The following RGS3 variants were observed in gnomAD, a reference collection of about 807,000 sequenced individuals.
The protein encoded by RGS3 is regulator of G-protein signalling 3.
In RGS3, 80 loss-of-function variants were observed where a neutral mutation model predicts 132.6. That is an observed-to-expected ratio of 0.60 (90% CI 0.50 to 0.73). The LOEUF (loss-of-function observed/expected upper bound fraction) is 0.73. Among genes scored for constraint, RGS3 ranks in the 30% least tolerant of loss-of-function variants. The pLI is 0.00. For synonymous variants in RGS3, 598 were observed against 620.6 expected, an observed-to-expected ratio of 0.96 and a Z score of 0.54; for missense variants, 1,382 against 1,530.8, an observed-to-expected ratio of 0.90 and a Z score of 1.62.
chr9:113,550,611 A>G (rs190477164), intron 19 of RGS3, among the ~76,000 whole-genome samples: 3 of 152,344 alleles, frequency 2.0e-5, no homozygotes, highest in East Asian at 1.9e-4. Flanking sequence ...GAAACTCCTC[A>G]ATCAAATCAA....
intron 19 of RGS3, among the ~76,000 whole-genome samples, chr9:113,557,235 T>G (rs1052355037): frequency 6.6e-6 from 1 of 152,240 alleles, no homozygotes; most frequent in Non-Finnish European, 1.5e-5. Flanking sequence ...TTGAGCAATG[T>G]CACTGAGAAG....
intron 18 of RGS3, among the ~76,000 whole-genome samples, chr9:113,534,714 C>G (rs1832610758): frequency 6.6e-6 from 1 of 151,074 alleles, no homozygotes. Context: ...TGGGCTTCAG[C>G]AATCCTCCCA....
At chr9:113,484,053 T>G in intron 5 of RGS3, 85 bp from the exon 4 acceptor site, 1 of 814,172 alleles carries the variant, frequency 1.2e-6, no homozygotes, top group Non-Finnish European at 2.1e-6. Flanking sequence ...TGGGAAGCCT[T>G]TAACTTGGAG....
chr9:113,526,618 T>A (rs994500820), intron 17 of RGS3, among the ~76,000 whole-genome samples: 2 of 151,602 alleles, frequency 1.3e-5, no homozygotes, highest in African/African-American at 4.9e-5. Context: ...GCGAAGGGGG[T>A]TTGCTTAATG....
chr9:113,568,362 G>A (rs566336615), intron 19 of RGS3, among the ~76,000 whole-genome samples: 15 of 152,332 alleles, frequency 9.8e-5, no homozygotes, highest in South Asian at 4.1e-4. Context: ...CCCCTTGGTC[G>A]GTGGGCTGGA....
Position 113,498,919 on chromosome 9 carries a change from T to C in RGS3, c.897+839T>C, listed in dbSNP as rs553565004. Among the ~76,000 whole-genome samples the C allele has an allele frequency of 8.1e-5, 10 of 123,798 alleles. No homozygotes were observed. The East Asian group carries it at 1.8e-3, about 23-fold the overall frequency. 81.2% of individuals were successfully genotyped at this position (123,798 alleles called of 152,430 possible). On this transcript the variant is annotated intron_variant, in intron 10 of 24. Coordinates refer to ENST00000350696, the Ensembl canonical transcript of RGS3. ...GTGACAGAGCAAGACTCTGTCTCAATTGAAAAAAAAAAAAAAAAAAAAAAG... is the reference window on the plus strand; with the variant it reads ...GTGACAGAGCAAGACTCTGTCTCAACTGAAAAAAAAAAAAAAAAAAAAAAG...
intron 17 of RGS3, among the ~76,000 whole-genome samples, chr9:113,527,818 T>C (rs1042786854): frequency 3.3e-5 from 5 of 152,212 alleles, no homozygotes; most frequent in African/African-American, 1.2e-4. Context: ...TTGCTGTCTT[T>C]GACAATTTCT....
chr9:113,504,050 G>A (rs754481187), intron 10 of RGS3, among the ~76,000 whole-genome samples: 2 of 152,092 alleles, frequency 1.3e-5, no homozygotes, highest in African/African-American at 4.8e-5. Flanking sequence ...ATCCAGGCCC[G>A]GGGCTGGTGG....
chr9:113,546,347 T>A (rs769556754), intron 19 of RGS3, among the ~76,000 whole-genome samples: 10 of 152,198 alleles, frequency 6.6e-5, no homozygotes, highest in Non-Finnish European at 1.5e-4. Context: ...CCCAGAGTAC[T>A]TTTTCCCCCT....
At chr9:113,486,306 A>G (rs1258557041) in intron 7 of RGS3, among the ~76,000 whole-genome samples, 2 of 152,260 alleles carry the variant, frequency 1.3e-5, no homozygotes, top group Non-Finnish European at 2.9e-5. Flanking sequence ...GAAGGTTGGA[A>G]ATGGCATTCC....
chr9:113,469,991 G>T (rs1227183018), intron 3 of RGS3, among the ~76,000 whole-genome samples: 1 of 150,830 alleles, frequency 6.6e-6, no homozygotes, highest in African/African-American at 2.4e-5. Flanking sequence ...ACTCACTGCA[G>T]CCTCCCCTTC....
chr9:113,572,633 G>A lies in RGS3; in HGVS notation c.2038-10817G>A, dbSNP rs552574651. ...TAAGGCAAGGGTGTGTATCTGGAAA[G>A]GGGGACCTTTCTGTTCCTCCTGCCC... On this transcript the variant is annotated intron_variant, in intron 19 of 24. Transcript: ENST00000350696. Among the ~76,000 whole-genome samples the A allele has an allele frequency of 5.9e-5, 9 of 152,342 alleles. No homozygotes were observed. The South Asian group carries it at 1.9e-3, about 32-fold the overall frequency.
At chr9:113,536,748 C>G (rs750911376) in intron 18 of RGS3, 48 bp from the exon 17 acceptor site, 34 of 1,594,328 alleles carry the variant, frequency 2.1e-5, no homozygotes, top group Non-Finnish European at 2.8e-5. Context: ...GCCCCCTGAA[C>G]CAGGGAGCAG....
rs541379037 is a variant in RGS3, at chr9:113,544,306, T to G, written c.2037+7388T>G. Among the ~76,000 whole-genome samples, 6 of 151,956 alleles carry G rather than the reference T, an allele frequency of 3.9e-5. No homozygotes were observed. The East Asian group carries it at 1.2e-3, about 29-fold the overall frequency. On this transcript the variant is annotated intron_variant, in intron 19 of 24. Coordinates refer to ENST00000350696, the Ensembl canonical transcript of RGS3. Reference sequence around the variant, plus strand: ...CTCTGATCCCATTTTCATGTTTTTTTTTTTTTTTTCTTTTTATGTCTCAGG... The same window carrying G: ...CTCTGATCCCATTTTCATGTTTTTTGTTTTTTTTTCTTTTTATGTCTCAGG...
chr9:113,445,172 C>T (rs1463599663), intron 1 of RGS3, among the ~76,000 whole-genome samples: 1 of 151,808 alleles, frequency 6.6e-6, no homozygotes, highest in African/African-American at 2.4e-5. Flanking sequence ...CTTTGGGTTA[C>T]CATAATTTTC....
chr9:113,580,826 G>C, intron 19 of RGS3: 1 of 985,736 alleles, frequency 1.0e-6, no homozygotes, highest in Non-Finnish European at 1.2e-6. Context: ...CTTTCCCCAA[G>C]GGGTGGGCGG....
At chr9:113,515,700 A>G (rs980769736) in intron 15 of RGS3, among the ~76,000 whole-genome samples, 2 of 152,260 alleles carry the variant, frequency 1.3e-5, no homozygotes, top group Non-Finnish European at 2.9e-5. Context: ...TGATAGTGTG[A>G]ACATTTCAGC....
chr9:113,570,836 A>G (rs934860831), intron 19 of RGS3, among the ~76,000 whole-genome samples: 2 of 152,042 alleles, frequency 1.3e-5, no homozygotes, highest in Non-Finnish European at 2.9e-5. Flanking sequence ...AGGTTTCACT[A>G]TGTTGGCCTG....
chr9:113,585,567 A>G (rs1301948484), intron 20 of RGS3, among the ~76,000 whole-genome samples: 1 of 152,264 alleles, frequency 6.6e-6, no homozygotes, highest in Non-Finnish European at 1.5e-5. Flanking sequence ...GCCTAAAGCC[A>G]TCAGGGAAAG....
Sources: gnomAD v4.1 joint callset for allele counts (sites outside exome capture counted in the v4.1 genomes callset) on GRCh38, gnomAD v4.1.1 for gene constraint, MANE v1.5 for transcripts, NCBI Gene and HGNC (gene_info 2026-07-23, HGNC 2026-07-21) for gene names.